The following EPB41L4B variants were observed in gnomAD, a reference collection of about 807,000 sequenced individuals.
The protein encoded by EPB41L4B is band 4.1-like protein 4B.
In EPB41L4B, 30 loss-of-function variants were observed where a neutral mutation model predicts 112.5. That is an observed-to-expected ratio of 0.27 (90% CI 0.20 to 0.36). The LOEUF is 0.36. EPB41L4B is among the 10% of genes least tolerant of loss of function. EPB41L4B has a pLI of 1.00. For missense variants in EPB41L4B, 1,024 were observed against 1,133.3 expected (o/e 0.90, Z 1.38); for synonymous variants, 408 against 439.7 (o/e 0.93, Z 0.90).
chr9:109,213,933 C>T, intron 16 of EPB41L4B, 115 bp from the exon 17 acceptor site: 1 of 824,850 alleles, frequency 1.2e-6, no homozygotes, highest in Admixed American at 2.0e-5. Flanking sequence ...CGGCCTCCTC[C>T]TCCAGCAGCT....
intron 20 of EPB41L4B, 78 bp from the exon 21 acceptor site, chr9:109,194,475 A>T (rs1022160672): frequency 7.1e-6 from 10 of 1,416,266 alleles, no homozygotes; most frequent in African/African-American, 5.7e-5. Context: ...GAGGATGGGC[A>T]GGGGTGGGAA....
chr9:109,247,688 A>G (rs1176180534), intron 14 of EPB41L4B, 68 bp downstream of exon 14: 1 of 1,152,972 alleles, frequency 8.7e-7, no homozygotes, highest in Admixed American at 3.2e-5. Context: ...CTTTACAAAA[A>G]CCTTTTTTTA....
In EPB41L4B at chr9:109,255,575, T is replaced by C. The variant is rs773092505; in HGVS notation, c.1105A>G (p.Thr369Ala). 6.2e-7 allele frequency: 1 copy of C among 1,614,250 alleles called. No individual in the cohort carries two copies. The highest frequency in any genetic ancestry group is 1.1e-5 in the South Asian group (1 of 91,088). Residue 369 changes from threonine to alanine, a missense_variant, in exon 11 of 26, where the codon ACG (threonine) becomes GCG (alanine). By Grantham distance (58) the Thr-to-Ala change is moderately conservative. Transcript: ENST00000374566. ...VEHHAFFRLR[T>A]PGNSKSNRSD... ...CTATTGGATTTGCTGTTTCCTGGCG[T>C]CCGCAGTCGGAAGAATGCGTGGTGC...
chr9:109,264,124 C>T lies in EPB41L4B; in HGVS notation c.578+856G>A, dbSNP rs541491293. 1.1e-4 allele frequency among the ~76,000 whole-genome samples: 16 copies of T among 152,180 alleles called. 1 individual carries two copies. Among genetic ancestry groups the T allele is most frequent in the African/African-American group, 3.4e-4 (14 of 41,516 alleles). On this transcript the variant is annotated intron_variant, in intron 5 of 25. Transcript: ENST00000374566. ...ACACCAACCAAAGGTCTGTATTGCA[C>T]GGCTGAATAAGGCAAATGTATACAC...
At chr9:109,213,479 G>A (rs76063943) in intron 17 of EPB41L4B, among the ~76,000 whole-genome samples, 100 of 152,312 alleles carry the variant, frequency 6.6e-4, no homozygotes, top group African/African-American at 2.3e-3. Context: ...AGCCTGTCAG[G>A]CAAAACACTG....
intron 4 of EPB41L4B, among the ~76,000 whole-genome samples, chr9:109,266,850 T>C (rs564461547): frequency 1.3e-5 from 2 of 150,280 alleles, no homozygotes; most frequent in South Asian, 4.2e-4. Flanking sequence ...GCGCCTGTAA[T>C]CCCATCTACT....
intron 17 of EPB41L4B, among the ~76,000 whole-genome samples, chr9:109,208,283 T>C (rs1183699621): frequency 1.3e-5 from 2 of 152,170 alleles, no homozygotes; most frequent in Non-Finnish European, 1.5e-5. Context: ...GGTAAAGGTT[T>C]AAAGAGAAGA....
Position 109,255,865 on chromosome 9 carries a change from TA to T in EPB41L4B, c.930-23del, listed in dbSNP as rs1356874292. ...AGGCCTAGTCAGACAGAAAGCATTT[TA>T]AAAGCACAATCTGCAGTAAAACTAT... On this transcript the variant is annotated intron_variant, in intron 9 of 25. Coordinates refer to ENST00000374566, the MANE Select transcript of EPB41L4B (RefSeq NM_019114.5). 3.1e-6 allele frequency: 5 copies of T among 1,606,352 alleles called. No homozygotes were observed. The Admixed American group carries it at 8.5e-5, about 27-fold the overall frequency.
At chr9:109,278,757 C>T (rs547672421) in intron 2 of EPB41L4B, among the ~76,000 whole-genome samples, 3 of 152,232 alleles carry the variant, frequency 2.0e-5, no homozygotes, top group African/African-American at 4.8e-5. Context: ...CTGCTTTATC[C>T]GCAATGCTCA....
chr9:109,261,085 G>A (rs1281730891), intron 6 of EPB41L4B, among the ~76,000 whole-genome samples: 1 of 152,190 alleles, frequency 6.6e-6, no homozygotes, highest in African/African-American at 2.4e-5. Flanking sequence ...AGGAACTCTG[G>A]GGTAGAGGAA....
chr9:109,286,519 C>T (rs1005368344), intron 1 of EPB41L4B, among the ~76,000 whole-genome samples: 8 of 152,158 alleles, frequency 5.3e-5, no homozygotes, highest in African/African-American at 1.9e-4. Flanking sequence ...TAACAGAAGA[C>T]GAGTTACTGT....
intron 4 of EPB41L4B, among the ~76,000 whole-genome samples, chr9:109,265,784 TGCTCTGCTCCCTACCTAC>T (rs1354436066): frequency 6.6e-6 from 1 of 152,224 alleles, no homozygotes; most frequent in African/African-American, 2.4e-5. Context: ...AAACTGCCTG[TGCTCTGCTCCCTACCTAC>T]GGAAACAGAA....
intron 17 of EPB41L4B, among the ~76,000 whole-genome samples, chr9:109,208,349 G>T (rs926840585): frequency 1.3e-5 from 2 of 152,174 alleles, no homozygotes; most frequent in Admixed American, 6.5e-5. Flanking sequence ...GACATCTCCT[G>T]GTTCAAGTCT....
chr9:109,295,038 AT>A (rs1272170804), intron 1 of EPB41L4B, among the ~76,000 whole-genome samples: 1 of 152,164 alleles, frequency 6.6e-6, no homozygotes, highest in African/African-American at 2.4e-5. Context: ...ACTCCAAACC[AT>A]TAACAATTAA....
chr9:109,307,427 A>T (rs1036636167), intron 1 of EPB41L4B, among the ~76,000 whole-genome samples: 2 of 152,134 alleles, frequency 1.3e-5, no homozygotes, highest in African/African-American at 2.4e-5. Context: ...CTCAGGTTTC[A>T]TCCTGGAGTG....
At chr9:109,241,927 G>C in intron 15 of EPB41L4B, 1 of 971,842 alleles carries the variant, frequency 1.0e-6, no homozygotes, top group Admixed American at 2.1e-5. Flanking sequence ...CATGTGAATG[G>C]GGATGGCTAT....
chr9:109,239,316 G>A (rs1054511918), intron 15 of EPB41L4B, among the ~76,000 whole-genome samples: 2 of 152,192 alleles, frequency 1.3e-5, no homozygotes, highest in African/African-American at 4.8e-5. Flanking sequence ...TCAGGCAGAA[G>A]AAAAGTTTTG....
rs1348173427 is a variant in EPB41L4B at position 109,217,010 on chromosome 9, C to A, written c.1545G>T (p.Gln515His). The A allele has an allele frequency of 1.2e-6, 2 of 1,614,206 alleles. No individual in the cohort carries two copies. Among genetic ancestry groups the A allele is most frequent in the Admixed American group, 3.3e-5 (2 of 60,020 alleles). Reference protein sequence around the residue: ...HHQHQHQHQHQHHSNYSLSLT... With the variant: ...HHQHQHQHQHHHHSNYSLSLT... ...GTGAGAGGCTGTAGTTTGAGTGGTG[C>A]TGGTGCTGATGCTGATGCTGGTGCT... The change falls in exon 16 of 26, where the codon CAG (glutamine) becomes CAT (histidine). Residue 515 changes from glutamine to histidine, a missense_variant. Physicochemically the swap from Gln to His is conservative, Grantham distance 24. Coordinates refer to ENST00000374566, the MANE Select transcript of EPB41L4B (RefSeq NM_019114.5).
At chr9:109,203,796 T>C (rs773580067) in intron 18 of EPB41L4B, 66 bp from the exon 19 acceptor site, 2 of 1,279,544 alleles carry the variant, frequency 1.6e-6, no homozygotes, top group Non-Finnish European at 2.3e-6. Context: ...TGTTTTCAAG[T>C]CTCTTACATT....
Sources: gnomAD v4.1 joint callset for allele counts (sites outside exome capture counted in the v4.1 genomes callset) on GRCh38, gnomAD v4.1.1 for gene constraint, MANE v1.5 for transcripts, NCBI Gene and HGNC (gene_info 2026-07-23, HGNC 2026-07-21) for gene names.